Variants in CETP observed in about 807,000 individuals in gnomAD.
The protein encoded by CETP is BPI fold containing family F.
A neutral mutation model predicts 66.5 loss-of-function variants in CETP; 56 were observed. That is an observed-to-expected ratio of 0.84 (90% CI 0.68 to 1.05). CETP has a LOEUF of 1.05. CETP is among the 50% of genes least tolerant of loss of function. The pLI is 0.00. For missense variants in CETP, 612 were observed against 609.6 expected (o/e 1.00, Z -0.04); for synonymous variants, 251 against 245.7 (o/e 1.02, Z -0.20).
chr16:56,972,684 G>A (rs146562593), intron 8 of CETP, among the ~76,000 whole-genome samples: 78 of 152,294 alleles, frequency 5.1e-4, no homozygotes, highest in African/African-American at 1.6e-3. Flanking sequence ...GAACCTGATC[G>A]CAGGACCCCA....
chr16:56,980,572 T>C (rs2056180317), intron 11 of CETP, among the ~76,000 whole-genome samples: 2 of 152,244 alleles, frequency 1.3e-5, no homozygotes, highest in Non-Finnish European at 2.9e-5. Flanking sequence ...AGACATATTA[T>C]TTTATTTACT....
At chr16:56,967,285 G>A (rs1316159836) in intron 2 of CETP, among the ~76,000 whole-genome samples, 2 of 152,010 alleles carry the variant, frequency 1.3e-5, no homozygotes, top group African/African-American at 4.8e-5. Context: ...GGTGGAGACT[G>A]CAGTGAGCTG....
rs1299345886 is a variant in CETP at position 56,963,101 on chromosome 16, C to T, written c.210C>T (p.Gly70=). 1 of 1,613,986 alleles carries T rather than the reference C, an allele frequency of 6.2e-7. No homozygotes were observed. Among genetic ancestry groups the T allele is most frequent in the East Asian group, 2.2e-5 (1 of 44,898 alleles). Residue 70 remains glycine, a synonymous_variant, in exon 2 of 16, where the codon GGC becomes GGT. Transcript: ENST00000200676. ...GCGAGAAGGCCATGATGCTCCTTGGCCAAGTCAAGTATGGGTTGCACAAGT... is the reference window on the plus strand; with the variant it reads ...GCGAGAAGGCCATGATGCTCCTTGGTCAAGTCAAGTATGGGTTGCACAAGT... ...ITGEKAMMLL[G]QVKYGLHNIQ...
chr16:56,969,833 A>C, intron 4 of CETP, 81 bp from the exon 5 acceptor site: 2 of 1,556,962 alleles, frequency 1.3e-6, no homozygotes, highest in Non-Finnish European at 1.8e-6. Flanking sequence ...GAGCTGGCCA[A>C]GCTCTTGACT....
chr16:56,978,582 T>C (rs1241515277), intron 11 of CETP, among the ~76,000 whole-genome samples: 1 of 151,304 alleles, frequency 6.6e-6, no homozygotes, highest in South Asian at 2.1e-4. Flanking sequence ...TGGGCTCGAG[T>C]GATCCTCCCA....
At chr16:56,982,334 C>T (rs965190824) in intron 14 of CETP, 97 bp downstream of exon 14, 8 of 1,177,418 alleles carry the variant, frequency 6.8e-6, no homozygotes, top group African/African-American at 1.5e-5. Context: ...AGGTGCCCCT[C>T]TTCCCAGTCA....
rs778311696 is a variant in CETP, at chr16:56,983,372, C to T, written c.1368C>T (p.Ser456=). The change falls in exon 15 of 16, where the codon AGC becomes AGT. Residue 456 remains serine (S), a synonymous_variant. Coordinates refer to ENST00000200676, the MANE Select transcript of CETP (RefSeq NM_000078.3). ...FTALMNSKGV[S]LFDIINPEII... Reference sequence around the variant, plus strand: ...CCCTCATGAACAGCAAAGGCGTGAGCCTCTTCGACATCATCAACCCTGAGA... The same window carrying T: ...CCCTCATGAACAGCAAAGGCGTGAGTCTCTTCGACATCATCAACCCTGAGA... The T allele has an allele frequency of 6.2e-7, 1 of 1,614,240 alleles. No individual in the cohort carries two copies. The highest frequency in any genetic ancestry group is 1.1e-5 in the South Asian group (1 of 91,086).
At chr16:56,982,486 C>T (rs1158171021) in intron 14 of CETP, among the ~76,000 whole-genome samples, 1 of 152,196 alleles carries the variant, frequency 6.6e-6, no homozygotes. Flanking sequence ...GCTCAACCCA[C>T]TTTCAGGATG....
rs759221266 is a variant in CETP at position 56,969,677 on chromosome 16, G to A, written c.435G>A (p.Gln145=). 6.2e-7 allele frequency: 1 copy of A among 1,613,928 alleles called. No homozygotes were observed. The highest frequency in any genetic ancestry group is 1.1e-5 in the South Asian group (1 of 91,078). Residue 145 remains glutamine (Q), a synonymous_variant, in exon 4 of 16, where the codon CAG becomes CAA. Coordinates refer to ENST00000200676, the MANE Select transcript of CETP (RefSeq NM_000078.3). ...DSAIDLQINT[Q]LTCDSGRVRT... ...CCATTGACCTCCAGATCAACACACAGCTGAGTATGTGTCAAGCGTCCTCTG... is the reference window on the plus strand; with the variant it reads ...CCATTGACCTCCAGATCAACACACAACTGAGTATGTGTCAAGCGTCCTCTG...
intron 10 of CETP, among the ~76,000 whole-genome samples, chr16:56,975,371 A>G (rs2056142546): frequency 1.3e-5 from 2 of 152,140 alleles, no homozygotes; most frequent in Admixed American, 1.3e-4. Flanking sequence ...AACTGTCCCC[A>G]TTTTACACAC....
rs1160014207 is a variant in CETP, at chr16:56,973,652, C to G, written c.930+142C>G. The G allele has an allele frequency of 3.4e-6, 3 of 894,620 alleles. No homozygotes were observed. The Admixed American group carries it at 6.3e-5, about 19-fold the overall frequency. 55.4% of individuals were successfully genotyped at this position (894,620 alleles called of 1,614,324 possible). On this transcript the variant is annotated intron_variant, in intron 9 of 15. Transcript: ENST00000200676. Reference sequence around the variant, plus strand: ...AAGCTGGAGCAATAGCAGTGAAGTCCAGACTGGGCACAGTGGCTCACACCT... The same window carrying G: ...AAGCTGGAGCAATAGCAGTGAAGTCGAGACTGGGCACAGTGGCTCACACCT...
chr16:56,973,205 G>A, intron 8 of CETP, 126 bp from the exon 9 acceptor site: 1 of 992,278 alleles, frequency 1.0e-6, no homozygotes, highest in East Asian at 2.5e-5. Context: ...ACTGGGTACA[G>A]CTCTTTCCTC....
Position 56,973,397 on chromosome 16 carries a change from G to T in CETP, c.817G>T (p.Gly273Trp). Residue 273 changes from glycine to tryptophan, a missense_variant, in exon 9 of 16, where the codon GGG becomes TGG. By Grantham distance (184) the Gly-to-Trp change is radical. Transcript: ENST00000200676. Reference protein sequence around the residue: ...PLPTFSPTLLGDSRMLYFWFS... With the variant: ...PLPTFSPTLLWDSRMLYFWFS... ...CCCCACCTTCTCGCCCACACTGCTGGGGGACTCCCGCATGCTGTACTTCTG... is the reference window on the plus strand; with the variant it reads ...CCCCACCTTCTCGCCCACACTGCTGTGGGACTCCCGCATGCTGTACTTCTG... 2 of 1,614,198 alleles carry T rather than the reference G, an allele frequency of 1.2e-6. No individual in the cohort carries two copies. Among genetic ancestry groups the T allele is most frequent in the South Asian group, 2.2e-5 (2 of 91,084 alleles).
At chr16:56,982,610 T>C (rs78213686) in intron 14 of CETP, among the ~76,000 whole-genome samples, 1 of 152,360 alleles carries the variant, frequency 6.6e-6, no homozygotes, top group East Asian at 1.9e-4. Context: ...ACAAGAATGT[T>C]GAACTTGATG....
chr16:56,970,978 C>T, intron 5 of CETP, 55 bp from the exon 6 acceptor site: 3 of 1,550,518 alleles, frequency 1.9e-6, no homozygotes, highest in Non-Finnish European at 2.7e-6. Context: ...ACACTAGGCG[C>T]TCCATGGATG....
rs367909221 is a variant in CETP at position 56,966,725 on chromosome 16, G to A, written c.234-2661G>A. On this transcript the variant is annotated intron_variant, in intron 2 of 15. Transcript: ENST00000200676. ...AGCGATTCTCCTGCCTCAACCTCCC[G>A]AGCAGCTGGAACCACAAGCATATGC... Among the ~76,000 whole-genome samples the A allele has an allele frequency of 9.3e-5, 14 of 151,262 alleles. No individual in the cohort carries two copies. The East Asian group carries it at 1.6e-3, about 17-fold the overall frequency.
At chr16:56,965,725 G>C (rs1169715563) in intron 2 of CETP, among the ~76,000 whole-genome samples, 1 of 152,128 alleles carries the variant, frequency 6.6e-6, no homozygotes, top group Non-Finnish European at 1.5e-5. Flanking sequence ...TGCTCAAGCC[G>C]GGCCCTGGGG....
rs754683612 is a variant in CETP, at chr16:56,982,113, T to C, written c.1249-52T>C. On this transcript the variant is annotated intron_variant, in intron 13 of 15. Transcript: ENST00000200676. ...TCCAGGCCGTGCAGCATCTGCCTTG[T>C]GGGTCACTTCTGTGCTCCAGGGAGG... 5.2e-6 allele frequency: 8 copies of C among 1,543,774 alleles called. 1 individual carries two copies. In the South Asian group the frequency reaches 8.9e-5, roughly 17 times the overall value.
At chr16:56,967,861 A>G (rs2056079128) in intron 2 of CETP, among the ~76,000 whole-genome samples, 1 of 151,630 alleles carries the variant, frequency 6.6e-6, no homozygotes, top group Non-Finnish European at 1.5e-5. Context: ...CAGCTATTCC[A>G]GAGGCTGAGG....
Sources: allele counts gnomAD v4.1 joint callset (sites outside exome capture counted in the v4.1 genomes callset), GRCh38; gene constraint gnomAD v4.1.1; transcripts MANE v1.5; gene names NCBI Gene and HGNC (gene_info 2026-07-23, HGNC 2026-07-21).